SLC35F3: variants seen among roughly 807,000 people sequenced by gnomAD.
SLC35F3 encodes the protein solute carrier family 35 member F3.
SLC35F3 carries 25 observed loss-of-function variants against 49.9 expected under a neutral mutation model. That is an observed-to-expected ratio of 0.50 (90% CI 0.37 to 0.70). The LOEUF (loss-of-function observed/expected upper bound fraction) is 0.70, where lower values mean the gene tolerates loss of function less well. Ranked by LOEUF, SLC35F3 falls within the 30% of genes least tolerant of loss-of-function variation. The pLI, the probability that SLC35F3 is intolerant of heterozygous loss-of-function variation, is 0.00. For synonymous variants in SLC35F3, 275 were observed against 265.4 expected, an observed-to-expected ratio of 1.04 and a Z score of -0.35; for missense variants, 525 against 639.8, an observed-to-expected ratio of 0.82 and a Z score of 1.94.
chr1:234,013,514 C>G (rs1663755708), intron 2 of SLC35F3, among the ~76,000 whole-genome samples: 2 of 150,382 alleles, frequency 1.3e-5, no homozygotes, highest in Admixed American at 1.3e-4. Flanking sequence ...GAAACAGAGA[C>G]TAGAAAAACA....
At chr1:234,182,650 C>G (rs925643197) in intron 2 of SLC35F3, among the ~76,000 whole-genome samples, 6 of 152,194 alleles carry the variant, frequency 3.9e-5, no homozygotes, top group Non-Finnish European at 7.3e-5. Context: ...CCAAATTCCT[C>G]TTTATAGGGG....
At chr1:234,223,357 A>C (rs578206293) in intron 2 of SLC35F3, among the ~76,000 whole-genome samples, 57 of 152,282 alleles carry the variant, frequency 3.7e-4, no homozygotes, top group African/African-American at 1.3e-3. Flanking sequence ...TAGATCAGAC[A>C]CATCTCAAAG....
intron 2 of SLC35F3, among the ~76,000 whole-genome samples, chr1:234,039,579 T>C (rs565469369): frequency 3.3e-5 from 5 of 152,258 alleles, no homozygotes; most frequent in African/African-American, 9.6e-5. Context: ...GAGGCAGAGA[T>C]ACTGAGACAT....
intron 3 of SLC35F3, among the ~76,000 whole-genome samples, chr1:234,304,105 T>C (rs1019405997): frequency 7.3e-5 from 11 of 151,170 alleles, no homozygotes; most frequent in African/African-American, 2.7e-4. Flanking sequence ...CTTCTTCCTC[T>C]CTCCCTCTCT....
intron 2 of SLC35F3, among the ~76,000 whole-genome samples, chr1:234,073,494 A>C (rs1319528386): frequency 6.6e-6 from 1 of 152,166 alleles, no homozygotes; most frequent in East Asian, 1.9e-4. Context: ...GCATAGCTGG[A>C]TAATCGAAAC....
At chr1:233,910,709 C>G (rs1289556104) in intron 2 of SLC35F3, among the ~76,000 whole-genome samples, 1 of 152,126 alleles carries the variant, frequency 6.6e-6, no homozygotes. Context: ...TTACGAATAG[C>G]TTTTTTGAAG....
At chr1:234,077,929 C>G (rs187858596) in intron 2 of SLC35F3, among the ~76,000 whole-genome samples, 1 of 152,164 alleles carries the variant, frequency 6.6e-6, no homozygotes, top group African/African-American at 2.4e-5. Flanking sequence ...GAGGGTTGCT[C>G]CCCAGAGAAT....
chr1:234,184,218 A>G (rs1324325376), intron 2 of SLC35F3, among the ~76,000 whole-genome samples: 1 of 151,948 alleles, frequency 6.6e-6, no homozygotes, highest in East Asian at 1.9e-4. Flanking sequence ...AGGAACCATA[A>G]TGATCTTCCT....
chr1:234,109,294 G>A (rs1665371153), intron 2 of SLC35F3, among the ~76,000 whole-genome samples: 1 of 152,160 alleles, frequency 6.6e-6, no homozygotes, highest in Admixed American at 6.5e-5. Context: ...TTAGAGAAAG[G>A]CTAGGAACAC....
At chr1:234,050,518 T>C (rs1349296111) in intron 2 of SLC35F3, among the ~76,000 whole-genome samples, 1 of 152,190 alleles carries the variant, frequency 6.6e-6, no homozygotes, top group East Asian at 1.9e-4. Flanking sequence ...GTTTAAGTTC[T>C]TTGTAGATTC....
chr1:234,048,033 G>A (rs543305197), intron 2 of SLC35F3, among the ~76,000 whole-genome samples: 168 of 152,108 alleles, frequency 1.1e-3, no homozygotes, highest in African/African-American at 3.9e-3. Flanking sequence ...GAAATTGGAG[G>A]AAAGATGATT....
intron 2 of SLC35F3, among the ~76,000 whole-genome samples, chr1:234,086,469 A>C (rs569253037): frequency 6.6e-6 from 1 of 152,308 alleles, no homozygotes; most frequent in East Asian, 1.9e-4. Context: ...TTAAAAGAAA[A>C]CTATATTTAT....
chr1:233,998,605 A>C (rs1213345833), intron 2 of SLC35F3, among the ~76,000 whole-genome samples: 1 of 151,688 alleles, frequency 6.6e-6, no homozygotes, highest in South Asian at 2.1e-4. Flanking sequence ...CAAAAAGAAC[A>C]GTAATGGAGA....
At chr1:234,069,345 C>T (rs1664680170) in intron 2 of SLC35F3, among the ~76,000 whole-genome samples, 1 of 150,138 alleles carries the variant, frequency 6.7e-6, no homozygotes, top group African/African-American at 2.5e-5. Flanking sequence ...GCAACCTCCA[C>T]CTCCCAGGTT....
chr1:234,034,613 C>G (rs7548644), intron 2 of SLC35F3, among the ~76,000 whole-genome samples: 16,062 of 150,358 alleles, frequency 0.11, 1,312 homozygotes, highest in East Asian at 0.25. Flanking sequence ...CTCTGCCTCC[C>G]GGATTCAAGC....
intron 2 of SLC35F3, among the ~76,000 whole-genome samples, chr1:234,161,508 C>G (rs1666226334): frequency 6.6e-6 from 1 of 152,146 alleles, no homozygotes; most frequent in African/African-American, 2.4e-5. Flanking sequence ...TGCCTGTAAT[C>G]CCAGCTCTTT....
At chr1:233,930,633 C>T (rs10910312) in intron 2 of SLC35F3, among the ~76,000 whole-genome samples, 141,493 of 152,180 alleles carry the variant, frequency 0.93, 66,652 homozygotes, top group East Asian at 1. Context: ...CCCCAAAACT[C>T]AACTACCAGT....
rs758170929 is a variant in SLC35F3, at chr1:234,221,465, G to C, written c.284-9952G>C. Among the ~76,000 whole-genome samples, 16 of 152,324 alleles carry C rather than the reference G, an allele frequency of 1.1e-4. 1 individual carries two copies. The highest frequency in any genetic ancestry group is 3.4e-3 in the Middle Eastern group (1 of 294). On this transcript the variant is annotated intron_variant, in intron 2 of 7. Transcript: ENST00000366618. ...GAACAGAGAAAGCTTAATGGGCAAA[G>C]ACAAGAATCATGAAGATGCAGAGGA...
intron 2 of SLC35F3, among the ~76,000 whole-genome samples, chr1:234,013,833 T>G (rs1283690911): frequency 6.8e-6 from 1 of 147,638 alleles, no homozygotes; most frequent in Non-Finnish European, 1.5e-5. Context: ...ACTGAGTTAG[T>G]AATAAAAACT....
Sources: gnomAD v4.1 joint callset for allele counts (sites outside exome capture counted in the v4.1 genomes callset) on GRCh38, gnomAD v4.1.1 for gene constraint, MANE v1.5 for transcripts, NCBI Gene and HGNC (gene_info 2026-07-23, HGNC 2026-07-21) for gene names.